Variants in SUMF1 observed in about 807,000 individuals in gnomAD.
The protein encoded by SUMF1 is sulfatase modifying factor 1.
In SUMF1, 48 loss-of-function variants were observed where a neutral mutation model predicts 47.6. That is an observed-to-expected ratio of 1.01 (90% CI 0.80 to 1.28). The LOEUF (loss-of-function observed/expected upper bound fraction) is 1.28, where lower values mean the gene tolerates loss of function less well. SUMF1 is among the 50% of genes most tolerant of loss of function. The pLI is 0.00. For missense variants in SUMF1, 571 were observed against 485.4 expected (o/e 1.18, Z -1.66); for synonymous variants, 230 against 192.1 (o/e 1.20, Z -1.63).
intron 8 of SUMF1, chr3:4,313,131 C>CA (rs1235904512): frequency 6.2e-7 from 1 of 1,613,960 alleles, no homozygotes; most frequent in Non-Finnish European, 8.5e-7. Context: ...ACTGCAGAAA[C>CA]AGAGTGGTCC....
chr3:4,081,059 C>T (rs535283844), intron 8 of SUMF1, among the ~76,000 whole-genome samples: 1 of 152,244 alleles, frequency 6.6e-6, no homozygotes, highest in South Asian at 2.1e-4. Context: ...CCAGTGACTG[C>T]CCAGGTTTCA....
intron 9 of SUMF1, among the ~76,000 whole-genome samples, chr3:4,042,816 G>A (rs955932577): frequency 7.9e-5 from 12 of 152,010 alleles, no homozygotes; most frequent in African/African-American, 1.4e-4. Context: ...GATGGGTTGC[G>A]GGGGAGAAAC....
intron 8 of SUMF1, among the ~76,000 whole-genome samples, chr3:4,260,749 A>C (rs985463539): frequency 6.6e-6 from 1 of 152,130 alleles, no homozygotes; most frequent in Non-Finnish European, 1.5e-5. Context: ...AAAAAAAAGA[A>C]AAATTTAATA....
Position 4,417,240 on chromosome 3 carries a change from A to G in SUMF1, c.728T>C (p.Leu243Pro), listed in dbSNP as rs1364873767. 1 of 1,613,846 alleles carries G rather than the reference A, an allele frequency of 6.2e-7. No individual in the cohort carries two copies. Among genetic ancestry groups the G allele is most frequent in the African/African-American group, 1.3e-5 (1 of 75,044 alleles). The part of the protein sequence containing the change: ...YSCRGGLHNR[L>P]FPWGNKLQPK... Reference sequence around the variant, plus strand: ...CTGCAGTTTGTTGCCCCAGGGGAAAAGTCTGTCAGAAGAGACACAGGCATC... The same window carrying G: ...CTGCAGTTTGTTGCCCCAGGGGAAAGGTCTGTCAGAAGAGACACAGGCATC... Residue 243 changes from leucine (L) to proline (P), a missense_variant and splice_region_variant, in exon 6 of 9, where the codon CTT (leucine) becomes CCT (proline). Leu to Pro is a moderately conservative substitution (Grantham distance 98). Coordinates refer to ENST00000272902, the MANE Select transcript of SUMF1 (RefSeq NM_182760.4).
intron 1 of SUMF1, among the ~76,000 whole-genome samples, chr3:4,457,981 C>G (rs2079708344): frequency 6.6e-6 from 1 of 152,096 alleles, no homozygotes; most frequent in Admixed American, 6.5e-5. Flanking sequence ...CTTTGCAAAC[C>G]ATGCATCTTA....
At chr3:4,184,140 A>G (rs1370695784) in intron 8 of SUMF1, among the ~76,000 whole-genome samples, 1 of 149,478 alleles carries the variant, frequency 6.7e-6, no homozygotes, top group African/African-American at 2.5e-5. Flanking sequence ...GTCTCGAAAA[A>G]AAATTAAAAA....
At chr3:4,324,818 G>A (rs1446036098) in intron 8 of SUMF1, among the ~76,000 whole-genome samples, 1 of 152,124 alleles carries the variant, frequency 6.6e-6, no homozygotes, top group South Asian at 2.1e-4. Context: ...GTGAGTTTGG[G>A]GGCCCTGCAA....
intron 8 of SUMF1, among the ~76,000 whole-genome samples, chr3:4,353,399 C>T (rs1041886834): frequency 6.6e-6 from 1 of 152,122 alleles, no homozygotes; most frequent in Non-Finnish European, 1.5e-5. Context: ...ACTACAGGCA[C>T]CCGCCACCAC....
At chr3:4,404,503 A>G (rs1575180974) in intron 7 of SUMF1, among the ~76,000 whole-genome samples, 2 of 152,204 alleles carry the variant, frequency 1.3e-5, no homozygotes, top group Non-Finnish European at 1.5e-5. Context: ...CATGCCTGTA[A>G]TCCTAGTACT....
At chr3:4,331,547 G>A (rs1259554792) in intron 8 of SUMF1, among the ~76,000 whole-genome samples, 1 of 152,202 alleles carries the variant, frequency 6.6e-6, no homozygotes, top group Non-Finnish European at 1.5e-5. Flanking sequence ...AAGATAAAAG[G>A]CTGGGCACAG....
At position 4,101,481 on chromosome 3, in the gene SUMF1, G is replaced by C. The variant is rs184644534; in HGVS notation, c.1015-32736C>G. ...GTAGAGAGTAGAATGGTGGTTACCAGATCTGGGGGTGGAGAAGATGGGCAG... is the reference window on the plus strand; with the variant it reads ...GTAGAGAGTAGAATGGTGGTTACCACATCTGGGGGTGGAGAAGATGGGCAG... On this transcript the variant is annotated intron_variant and NMD_transcript_variant, in intron 8 of 12. Coordinates refer to the SUMF1 transcript ENST00000448413. Among the ~76,000 whole-genome samples, 378 of 152,240 alleles carry C rather than the reference G, an allele frequency of 2.5e-3. 11 individuals are homozygous for C. The highest frequency in any genetic ancestry group is 8.6e-3 in the African/African-American group (357 of 41,506).
chr3:4,282,380 G>A (rs1163809131), intron 8 of SUMF1, among the ~76,000 whole-genome samples: 1 of 152,118 alleles, frequency 6.6e-6, no homozygotes, highest in East Asian at 1.9e-4. Flanking sequence ...AATATACAGA[G>A]GGAAAGGATG....
intron 8 of SUMF1, among the ~76,000 whole-genome samples, chr3:4,367,239 C>T (rs1018336571): frequency 6.6e-6 from 1 of 152,130 alleles, no homozygotes; most frequent in African/African-American, 2.4e-5. Context: ...AGAACCACTG[C>T]TCTCTTCAAA....
intron 6 of SUMF1, among the ~76,000 whole-genome samples, chr3:4,415,272 A>G (rs1351988712): frequency 2.6e-5 from 4 of 151,470 alleles, no homozygotes; most frequent in Non-Finnish European, 4.4e-5. Context: ...AGAAATGATT[A>G]TCACGGTCTT....
At chr3:4,326,876 G>A (rs1021653269) in intron 8 of SUMF1, among the ~76,000 whole-genome samples, 4 of 151,992 alleles carry the variant, frequency 2.6e-5, no homozygotes, top group African/African-American at 9.7e-5. Flanking sequence ...AAGCATTCTG[G>A]TCATATCTGA....
chr3:4,410,312 G>A (rs1575187058), intron 7 of SUMF1, among the ~76,000 whole-genome samples: 2 of 152,172 alleles, frequency 1.3e-5, no homozygotes, highest in Admixed American at 6.5e-5. Flanking sequence ...GACAAACATG[G>A]TTGCCTTCTG....
intron 8 of SUMF1, among the ~76,000 whole-genome samples, chr3:4,113,061 G>C (rs1199355492): frequency 6.6e-6 from 1 of 151,922 alleles, no homozygotes; most frequent in Non-Finnish European, 1.5e-5. Context: ...TTTAAAATGA[G>C]ATTTAAAAAT....
intron 7 of SUMF1, among the ~76,000 whole-genome samples, chr3:4,386,476 T>A (rs1419934164): frequency 6.6e-6 from 1 of 152,134 alleles, no homozygotes; most frequent in African/African-American, 2.4e-5. Flanking sequence ...AACTGAAATA[T>A]TAGTTTTAAG....
chr3:4,329,002 C>G (rs1698998750), intron 8 of SUMF1, among the ~76,000 whole-genome samples: 1 of 152,208 alleles, frequency 6.6e-6, no homozygotes, highest in African/African-American at 2.4e-5. Context: ...AATCTTAAAG[C>G]TCCAAAATGA....
Sources: gnomAD v4.1 joint callset for allele counts (sites outside exome capture counted in the v4.1 genomes callset) on GRCh38, gnomAD v4.1.1 for gene constraint, MANE v1.5 for transcripts, NCBI Gene and HGNC (gene_info 2026-07-23, HGNC 2026-07-21) for gene names.